PLEC: variants seen among roughly 807,000 people sequenced by gnomAD.
PLEC encodes the protein plectin.
A neutral mutation model predicts 392.8 loss-of-function variants in PLEC; 216 were observed. That is an observed-to-expected ratio of 0.55 (90% confidence interval 0.49 to 0.62). The LOEUF (loss-of-function observed/expected upper bound fraction) is 0.62, where lower values mean the gene tolerates loss of function less well. PLEC is among the 20% of genes least tolerant of loss of function. The pLI is 0.00. For missense variants in PLEC, 6,863 were observed against 6,563.4 expected, an observed-to-expected ratio of 1.05 and a Z score of -1.58; for synonymous variants, 3,621 against 2,980.6, an observed-to-expected ratio of 1.21 and a Z score of -7.00.
At position 143,924,877 on chromosome 8, in the gene PLEC, G is replaced by A; in HGVS notation, c.5052C>T (p.Val1684=). ...CTTGTTCAGCCAGCTCCCGCTGCCG[G>A]ACGGCCTGCTCCTCCGCCTTGCCGC... ...RRRGKAEEQA[V]RQRELAEQEL... Residue 1684 remains valine, a synonymous_variant, in exon 31 of 32, where the codon GTC becomes GTT. Coordinates refer to ENST00000345136, the MANE Select transcript of PLEC (RefSeq NM_201384.3). The A allele has an allele frequency of 1.3e-6, 2 of 1,588,838 alleles. No individual in the cohort carries two copies. Among genetic ancestry groups the A allele is most frequent in the South Asian group, 1.1e-5 (1 of 89,816 alleles).
At chr8:143,961,965 A>G (rs1425132117) in intron 1 of PLEC, among the ~76,000 whole-genome samples, 3 of 152,138 alleles carry the variant, frequency 2.0e-5, no homozygotes, top group African/African-American at 7.2e-5. Context: ...TGCCACCTGT[A>G]ATCACGTGCC....
chr8:143,927,807 C>A, intron 26 of PLEC, 41 bp from the exon 27 acceptor site: 1 of 1,580,186 alleles, frequency 6.3e-7, no homozygotes, highest in Non-Finnish European at 8.6e-7. Context: ...TCAGCTGGGC[C>A]CGCTGTACCC....
At chr8:143,973,716 C>T (rs1242927282), upstream of PLEC, among the ~76,000 whole-genome samples, 6 of 151,304 alleles carry the variant, frequency 4.0e-5, no homozygotes, top group African/African-American at 1.2e-4. This position sits in a 1 kb window ranked among gnomAD's most constrained non-coding sequence, Gnocchi z 5.6. Flanking sequence ...CACGCCCTTT[C>T]CCGTTCTCGC....
rs201238023 is a variant in PLEC at position 143,932,438 on chromosome 8, G to C, written c.1939C>G (p.Arg647Gly). 1 of 1,612,698 alleles carries C rather than the reference G, an allele frequency of 6.2e-7. No homozygotes were observed. Among genetic ancestry groups the C allele is most frequent in the African/African-American group, 1.3e-5 (1 of 74,906 alleles). The change falls in exon 16 of 32, where the codon CGC becomes GGC. Residue 647 changes from arginine to glycine, a missense_variant. Coordinates refer to ENST00000345136, the MANE Select transcript of PLEC (RefSeq NM_201384.3). ...TTCTTGGCGGTCATGTTGGTGTTGC[G>C]GTCGCTCCAGTCGAAGCCCACCTCC... ...EEEVGFDWSD[R>G]NTNMTAKKES...
At chr8:143,938,032 G>A (rs1287370027) in intron 3 of PLEC, 119 bp downstream of exon 3, 5 of 724,212 alleles carry the variant, frequency 6.9e-6, no homozygotes, top group Middle Eastern at 2.9e-4. Context: ...GGAGAAGGCA[G>A]GAGGGGTTGA....
chr8:143,965,534 C>T (rs1392000534), intron 1 of PLEC, among the ~76,000 whole-genome samples: 1 of 152,228 alleles, frequency 6.6e-6, no homozygotes, highest in African/African-American at 2.4e-5. Flanking sequence ...CACTGTGGGT[C>T]TGTGGGCATC....
chr8:143,936,800 A>G (rs2132168652), intron 5 of PLEC, among the ~76,000 whole-genome samples, 179 bp downstream of exon 5: 1 of 152,308 alleles, frequency 6.6e-6, no homozygotes, highest in Admixed American at 6.5e-5. Context: ...CCCTCAGGCC[A>G]CAGATCCAGT....
chr8:143,930,337 T>G (rs1826831984), intron 20 of PLEC, 39 bp from the exon 21 acceptor site: 2 of 1,588,648 alleles, frequency 1.3e-6, no homozygotes, highest in Non-Finnish European at 1.7e-6. Flanking sequence ...GGCCACACCC[T>G]GCCCTGCCTG....
chr8:143,959,042 A>G (rs992808462), intron 1 of PLEC, among the ~76,000 whole-genome samples: 1 of 152,258 alleles, frequency 6.6e-6, no homozygotes, highest in Non-Finnish European at 1.5e-5. Context: ...ATGAGCTTAC[A>G]TCGTTAACAT....
Position 143,917,767 on chromosome 8 carries a change from G to A in PLEC, c.12054C>T (p.Tyr4018=), listed in dbSNP as rs1236196452. 1.2e-6 allele frequency: 2 copies of A among 1,613,628 alleles called. No individual in the cohort carries two copies. Among genetic ancestry groups the A allele is most frequent in the Non-Finnish European group, 8.5e-7 (1 of 1,180,022 alleles). The part of the protein sequence containing the change: ...ERAVTGYKDP[Y]SGKLISLFQA... ...GGAAGAGGGAGATGAGCTTCCCAGA[G>A]TAGGGGTCCTTGTACCCAGTGACGG... The change falls in exon 32 of 32, where the codon TAC becomes TAT. Residue 4018 remains tyrosine, a synonymous_variant. Coordinates refer to ENST00000345136, the MANE Select transcript of PLEC (RefSeq NM_201384.3).
intron 1 of PLEC, chr8:143,946,259 G>A (rs994183471): frequency 2.0e-6 from 2 of 994,418 alleles, no homozygotes; most frequent in Non-Finnish European, 2.7e-6. Flanking sequence ...TGACGGCACA[G>A]AACGGTGGAC....
chr8:143,965,083 G>T (rs913770968), intron 1 of PLEC, among the ~76,000 whole-genome samples: 1 of 146,272 alleles, frequency 6.8e-6, no homozygotes, highest in East Asian at 2.1e-4. Flanking sequence ...TGACACACCA[G>T]CCTGCCCAAG....
In PLEC at chr8:143,932,451, G is replaced by A. The variant is rs1432586590; in HGVS notation, c.1926C>T (p.Phe642=). ...TGTTGGTGTTGCGGTCGCTCCAGTC[G>A]AAGCCCACCTCCTCCTCCTCCTTCT... The part of the protein sequence containing the change: ...LNEKEEEEVG[F]DWSDRNTNMT... Residue 642 remains phenylalanine, a synonymous_variant, in exon 16 of 32, where the codon TTC becomes TTT. Coordinates refer to ENST00000345136, the MANE Select transcript of PLEC (RefSeq NM_201384.3). 6 of 1,612,662 alleles carry A rather than the reference G, an allele frequency of 3.7e-6. No homozygotes were observed. Among genetic ancestry groups the A allele is most frequent in the Middle Eastern group, 1.6e-4 (1 of 6,084 alleles).
rs200509064 is a variant in PLEC at position 143,919,390 on chromosome 8, G to C, written c.10431C>G (p.Pro3477=). The C allele has an allele frequency of 6.2e-7, 1 of 1,613,620 alleles. No individual in the cohort carries two copies. Among genetic ancestry groups the C allele is most frequent in the Admixed American group, 1.7e-5 (1 of 60,020 alleles). ...AQIATGGIID[P]VHSHRVPVDV... ...CCACAGGCACGCGGTGGCTGTGCAC[G>C]GGGTCGATGATGCCGCCCGTGGCGA... The change falls in exon 32 of 32, where the codon CCC becomes CCG. Residue 3477 remains proline, a synonymous_variant. Coordinates refer to ENST00000345136, the MANE Select transcript of PLEC (RefSeq NM_201384.3).
In PLEC at chr8:143,948,846, G is replaced by A. The variant is rs1334075810; in HGVS notation, c.523+1338C>T. ...GGGGAAGCTGGGCTGCCAAATGACC[G>A]GGGAGTGGGTGGGCAGGGGTGCCGG... On this transcript the variant is annotated intron_variant, in intron 1 of 31. Coordinates refer to the PLEC transcript ENST00000322810. 3.3e-5 allele frequency among the ~76,000 whole-genome samples: 5 copies of A among 152,378 alleles called. No homozygotes were observed. The East Asian group carries it at 7.7e-4, about 23-fold the overall frequency.
chr8:143,922,407 G>T lies in PLEC; in HGVS notation c.7426-12C>A. 6.2e-7 allele frequency: 1 copy of T among 1,600,988 alleles called. No homozygotes were observed. The highest frequency in any genetic ancestry group is 1.1e-5 in the South Asian group (1 of 91,068). On this transcript the variant is annotated splice_polypyrimidine_tract_variant and intron_variant, in intron 31 of 31. Coordinates refer to ENST00000345136, the MANE Select transcript of PLEC (RefSeq NM_201384.3). ...TGCACCGTCTGCATCTGCAGAAGAA[G>T]AGGGTGTGATCAGGGACCGCCAGCC...
In PLEC at chr8:143,916,309, G is replaced by C. The variant is rs782144607; in HGVS notation, c.13512C>G (p.Gly4504=). The C allele has an allele frequency of 5.1e-6, 8 of 1,580,368 alleles. No individual in the cohort carries two copies. The highest frequency in any genetic ancestry group is 6.9e-6 in the Non-Finnish European group (8 of 1,165,518). Residue 4504 remains glycine (G), a synonymous_variant, in exon 32 of 32, where the codon GGC becomes GGG. Transcript: ENST00000345136. The part of the protein sequence containing the change: ...RTGSRAGSRR[G]SFDATGSGFS... ...AGCCGGAGCCGGTGGCGTCAAAGCT[G>C]CCGCGGCGGGAGCCGGCCCGGGAGC...
intron 1 of PLEC, among the ~76,000 whole-genome samples, chr8:143,967,684 G>C (rs1239078198): frequency 6.6e-6 from 1 of 152,214 alleles, no homozygotes; most frequent in African/African-American, 2.4e-5. Flanking sequence ...AGTACTTTGG[G>C]AGGCCAAGGC....
At chr8:143,960,997 C>T (rs973767824) in intron 1 of PLEC, among the ~76,000 whole-genome samples, 2 of 152,226 alleles carry the variant, frequency 1.3e-5, no homozygotes, top group South Asian at 2.1e-4. Context: ...CCATGCAGAG[C>T]GGCACGTGTG....
Sources: allele counts gnomAD v4.1 joint callset (sites outside exome capture counted in the v4.1 genomes callset), GRCh38; gene constraint gnomAD v4.1.1; non-coding constraint Gnocchi (gnomAD v3.1); transcripts MANE v1.5; gene names NCBI Gene and HGNC (gene_info 2026-07-23, HGNC 2026-07-21).